Variants in ALDH1A3 observed in about 807,000 individuals in gnomAD.
The protein encoded by ALDH1A3 is aldehyde dehydrogenase 1 family member A3, also known as retinaldehyde dehydrogenase 3.
In ALDH1A3, 28 loss-of-function variants were observed where a neutral mutation model predicts 57.5. That is an observed-to-expected ratio of 0.49 (90% CI 0.36 to 0.67). The LOEUF is 0.67. Among genes scored for constraint, ALDH1A3 ranks in the 30% least tolerant of loss-of-function variants. The pLI, the probability that ALDH1A3 is intolerant of heterozygous loss-of-function variation, is 0.00. For missense variants in ALDH1A3, 507 were observed against 669.4 expected, an observed-to-expected ratio of 0.76 and a Z score of 2.68; for synonymous variants, 281 against 264.8, an observed-to-expected ratio of 1.06 and a Z score of -0.59.
chr15:100,892,532 G>A lies in ALDH1A3; in HGVS notation c.368G>A (p.Gly123Glu). 1 of 1,612,902 alleles carries A rather than the reference G, an allele frequency of 6.2e-7. No homozygotes were observed. The highest frequency in any genetic ancestry group is 8.5e-7 in the Non-Finnish European group (1 of 1,179,716). ...TLAALETMDT[G>E]KPFLHAFFID... ...CAGGCCCTGGAGACGATGGATACAG[G>A]GAAGCCATTTCTTCATGCTTTTTTC... Residue 123 changes from glycine (G) to glutamate (E), a missense_variant, in exon 4 of 13, where the codon GGG becomes GAG. By Grantham distance (98) the Gly-to-Glu change is moderately conservative. Around this residue, in one of 2 missense-constraint regions of ALDH1A3, gnomAD observed 432 missense variants for 608.4 expected, o/e 0.71. Coordinates refer to ENST00000329841, the MANE Select transcript of ALDH1A3 (RefSeq NM_000693.4).
At chr15:100,900,196 G>A (rs181379450) in intron 8 of ALDH1A3, among the ~76,000 whole-genome samples, 1 of 152,182 alleles carries the variant, frequency 6.6e-6, no homozygotes, top group African/African-American at 2.4e-5. Flanking sequence ...TCGCCAGGGG[G>A]CCTACATCAA....
In ALDH1A3 at chr15:100,896,053, C is replaced by G. The variant is rs1247163162; in HGVS notation, c.780+7C>G. 5.0e-6 allele frequency: 8 copies of G among 1,601,478 alleles called. No homozygotes were observed. The highest frequency in any genetic ancestry group is 6.0e-6 in the Non-Finnish European group (7 of 1,173,030). On this transcript the variant is annotated splice_region_variant and intron_variant, in intron 7 of 12. Transcript: ENST00000329841. The stretch of plus-strand genomic sequence containing the variant: ...CTTCACCGGCTCCACAGAGGTAACC[C>G]TCCTCACAGGGTGCTGGGGAAAGTG...
At position 100,912,993 on chromosome 15, in the gene ALDH1A3, C is replaced by T. The variant is rs1309779500; in HGVS notation, c.1467-1708C>T. Among the ~76,000 whole-genome samples, 2 of 80,878 alleles carry T rather than the reference C, an allele frequency of 2.5e-5. 1 individual carries two copies. The highest frequency in any genetic ancestry group is 5.3e-5 in the Non-Finnish European group (2 of 38,052). The allele number at this position is 80,878 out of a possible 152,430, so 53.1% of individuals were successfully genotyped here. ...CTAACAAGGTGAAACCCCGTCTCTA[C>T]TAAAAATACAAAAAATTAGCCGGGC... is the stretch of plus-strand genomic sequence containing the variant. On this transcript the variant is annotated intron_variant, in intron 12 of 12. Transcript: ENST00000329841.
At chr15:100,891,079 G>T (rs28711429) in intron 3 of ALDH1A3, among the ~76,000 whole-genome samples, 1 of 152,180 alleles carries the variant, frequency 6.6e-6, no homozygotes, top group East Asian at 1.9e-4. Context: ...CCCTTCTCTG[G>T]TGCCTAAAGG....
At position 100,879,976 on chromosome 15, in the gene ALDH1A3, C is replaced by G. The variant is rs781365500; in HGVS notation, c.69C>G (p.Pro23=). ...GGAAGCCGCCGGCCCTGCCGCGCCC[C>G]ATCCGCAACCTGGAGGTCAAGTTCA... ...PDRKPPALPR[P]IRNLEVKFTK... Residue 23 remains proline, a synonymous_variant, in exon 1 of 13, where the codon CCC becomes CCG. Coordinates refer to ENST00000329841, the MANE Select transcript of ALDH1A3 (RefSeq NM_000693.4). 6.8e-7 allele frequency: 1 copy of G among 1,475,738 alleles called. No individual in the cohort carries two copies. Among genetic ancestry groups the G allele is most frequent in the South Asian group, 1.3e-5 (1 of 77,298 alleles). The allele number at this position is 1,475,738 out of a possible 1,614,324, so 91.4% of individuals were successfully genotyped here.
chr15:100,896,363 A>G (rs1429572077), intron 7 of ALDH1A3, among the ~76,000 whole-genome samples: 1 of 151,884 alleles, frequency 6.6e-6, no homozygotes, highest in Non-Finnish European at 1.5e-5. Flanking sequence ...TGATGCATGC[A>G]GTGCTCCAAG....
intron 6 of ALDH1A3, 155 bp from the exon 7 acceptor site, chr15:100,895,778 T>G: frequency 1.5e-6 from 1 of 647,016 alleles, no homozygotes; most frequent in Non-Finnish European, 2.8e-6. Context: ...GCTCCCAGGG[T>G]GCCCACGGTC....
rs759685318 is a variant in ALDH1A3, at chr15:100,889,987, CAG to C, written c.345+2278_345+2279del. ...TTCTCTTGCCGGCTCAGTGGTTTGA[CAG>C]AGCTGGGTGTTTATTTCTGTGCTCA... On this transcript the variant is annotated intron_variant, in intron 3 of 12. Coordinates refer to ENST00000329841, the MANE Select transcript of ALDH1A3 (RefSeq NM_000693.4). The surrounding 1 kb of genome is among the most constrained non-coding windows in gnomAD (Gnocchi z 5.1). Among the ~76,000 whole-genome samples, 4 of 152,210 alleles carry C rather than the reference CAG, an allele frequency of 2.6e-5. No homozygotes were observed. The highest frequency in any genetic ancestry group is 4.8e-5 in the African/African-American group (2 of 41,450).
chr15:100,908,598 C>A, intron 12 of ALDH1A3, 116 bp downstream of exon 12: 1 of 911,256 alleles, frequency 1.1e-6, no homozygotes, highest in Non-Finnish European at 1.7e-6. Flanking sequence ...CACCGCCGCT[C>A]TGTCTGGGCC....
rs540783119 is a variant in ALDH1A3 at position 100,906,003 on chromosome 15, C to T, written c.1233+316C>T. On this transcript the variant is annotated intron_variant, in intron 10 of 12. Transcript: ENST00000329841. The surrounding 1 kb of genome is among the most constrained non-coding windows in gnomAD (Gnocchi z 4.8). ...CTGATTTTCTAACACAACCGGTCCC[C>T]GAGTCAGTCATGCAGCCGCAGGTGG... Among the ~76,000 whole-genome samples, 35 of 152,218 alleles carry T rather than the reference C, an allele frequency of 2.3e-4. No individual in the cohort carries two copies. The highest frequency in any genetic ancestry group is 8.2e-4 in the African/African-American group (34 of 41,510).
At chr15:100,886,036 A>G (rs954554630) in intron 2 of ALDH1A3, among the ~76,000 whole-genome samples, 1 of 152,244 alleles carries the variant, frequency 6.6e-6, no homozygotes, top group African/African-American at 2.4e-5. Context: ...CACTGAGGGC[A>G]GGGAGATGTA....
intron 8 of ALDH1A3, among the ~76,000 whole-genome samples, 161 bp from the exon 9 acceptor site, chr15:100,900,414 A>G (rs1438327800): frequency 6.6e-6 from 1 of 152,134 alleles, no homozygotes; most frequent in African/African-American, 2.4e-5. Context: ...CTTCCTCTCT[A>G]TTTGGGAAAG....
At position 100,914,726 on chromosome 15, in the gene ALDH1A3, A is replaced by G; in HGVS notation, c.1492A>G (p.Thr498Ala). The G allele has an allele frequency of 6.2e-7, 1 of 1,614,126 alleles. No homozygotes were observed. The highest frequency in any genetic ancestry group is 8.5e-7 in the Non-Finnish European group (1 of 1,180,022). The change falls in exon 13 of 13, where the codon ACA becomes GCA. Residue 498 changes from threonine (T) to alanine (A), a missense_variant. Around this residue, in one of 2 missense-constraint regions of ALDH1A3, gnomAD observed 432 missense variants for 608.4 expected, o/e 0.71. Coordinates refer to ENST00000329841, the MANE Select transcript of ALDH1A3 (RefSeq NM_000693.4). ...AGGTGAATACGCTTTGGCCGAATAC[A>G]CAGAAGTGAAAACTGTCACCATCAA... is the stretch of plus-strand genomic sequence containing the variant. ...ELGEYALAEY[T>A]EVKTVTIKLG...
chr15:100,908,532 A>G (rs2041849204), intron 12 of ALDH1A3, 50 bp downstream of exon 12: 4 of 1,513,432 alleles, frequency 2.6e-6, no homozygotes, highest in Admixed American at 1.7e-5. Flanking sequence ...CACTAGATCC[A>G]CTAGATTTGC....
chr15:100,886,701 C>G (rs1567167835), intron 2 of ALDH1A3, among the ~76,000 whole-genome samples: 1 of 152,206 alleles, frequency 6.6e-6, no homozygotes, highest in Non-Finnish European at 1.5e-5. Context: ...TGACACTACT[C>G]TAAATGGCCC....
chr15:100,886,884 G>T (rs148828860), intron 2 of ALDH1A3, among the ~76,000 whole-genome samples: 2 of 152,178 alleles, frequency 1.3e-5, no homozygotes, highest in African/African-American at 4.8e-5. Context: ...CAGAAAGGAA[G>T]GAATTTCCCC....
At position 100,905,634 on chromosome 15, in the gene ALDH1A3, A is replaced by C. The variant is rs1335492936; in HGVS notation, c.1180A>C (p.Lys394Gln). 6.2e-7 allele frequency: 1 copy of C among 1,611,344 alleles called. No individual in the cohort carries two copies. Residue 394 changes from lysine to glutamine, a missense_variant, in exon 10 of 13, where the codon AAA (lysine) becomes CAA (glutamine). Lys to Gln is a moderately conservative substitution (Grantham distance 53). Around this residue, in one of 2 missense-constraint regions of ALDH1A3, gnomAD observed 432 missense variants for 608.4 expected, o/e 0.71. Coordinates refer to ENST00000329841, the MANE Select transcript of ALDH1A3 (RefSeq NM_000693.4). ...SAMEDKGLFI[K>Q]PTVFSEVTDN... ...CATGGAAGACAAGGGGCTCTTCATC[A>C]AACCCACTGTCTTCTCAGAAGTCAC...
At position 100,889,041 on chromosome 15, in the gene ALDH1A3, T is replaced by C. The variant is rs536938837; in HGVS notation, c.345+1329T>C. 6.6e-6 allele frequency: 1 copy of C among 152,348 alleles called. No homozygotes were observed. Among genetic ancestry groups the C allele is most frequent in the East Asian group, 1.9e-4 (1 of 5,180 alleles). The allele number at this position is 152,348 out of a possible 1,614,324, so 9.4% of individuals were successfully genotyped here. The stretch of plus-strand genomic sequence containing the variant: ...TTTTAGCAGGATCCTCAGACCCTCC[T>C]CTGGTCATGAGGGAGTGATCAGAGG... On this transcript the variant is annotated intron_variant, in intron 3 of 12. Transcript: ENST00000329841. This position sits in a 1 kb window ranked among gnomAD's most constrained non-coding sequence, Gnocchi z 5.1.
In ALDH1A3 at chr15:100,894,504, G is replaced by C. The variant is rs1006799167; in HGVS notation, c.666+422G>C. The C allele has an allele frequency of 5.3e-6, 1 of 189,478 alleles. No homozygotes were observed. Among genetic ancestry groups the C allele is most frequent in the Non-Finnish European group, 1.1e-5 (1 of 90,074 alleles). 11.7% of individuals were successfully genotyped at this position (189,478 alleles called of 1,614,324 possible). A position where few individuals can be genotyped will look rare whatever the true frequency, so the allele number is the denominator to read the frequency against. ...GGGCGGCTGCAGCAGTCCGTGTGCC[G>C]GGTCCCTGCTAATCAGTGCCCTCTG... On this transcript the variant is annotated intron_variant, in intron 6 of 12. Transcript: ENST00000329841. The surrounding 1 kb of genome is among the most constrained non-coding windows in gnomAD (Gnocchi z 4.5).
Sources: gnomAD v4.1 joint callset for allele counts (sites outside exome capture counted in the v4.1 genomes callset) on GRCh38, gnomAD v4.1.1 for gene constraint, gnomAD v4.1.1 regional missense constraint, Gnocchi (gnomAD v3.1) non-coding constraint, MANE v1.5 for transcripts, NCBI Gene and HGNC (gene_info 2026-07-23, HGNC 2026-07-21) for gene names.